Variants in SEMA6A observed in about 807,000 individuals in gnomAD.
SEMA6A encodes semaphorin 6A, also known as semaphorin-6A.
Under a neutral mutation model 96.8 loss-of-function variants are expected in SEMA6A, and 25 were observed. The ratio of observed to expected loss-of-function variants is 0.26; its 90% CI spans 0.19 to 0.36. SEMA6A has a LOEUF of 0.36. Among genes scored for constraint, SEMA6A ranks in the 10% least tolerant of loss-of-function variants. The pLI, the probability that SEMA6A is intolerant of heterozygous loss-of-function variation, is 1.00. For synonymous variants in SEMA6A, 612 were observed against 518.0 expected (o/e 1.18, Z -2.46); for missense variants, 1,363 against 1,323.1 (o/e 1.03, Z -0.47).
At chr5:116,484,290 T>A (rs1228181438) in intron 10 of SEMA6A, among the ~76,000 whole-genome samples, 1 of 152,216 alleles carries the variant, frequency 6.6e-6, no homozygotes, top group Non-Finnish European at 1.5e-5. Flanking sequence ...TAGGGTTTCG[T>A]AGTCTTCCTG....
At position 116,488,205 on chromosome 5, in the gene SEMA6A, A is replaced by G. The variant is rs781062339; in HGVS notation, c.656-9T>C. The stretch of plus-strand genomic sequence containing the variant: ...TTGAACAAAGTATGGTTCTGTAGAC[A>G]AACAGGCACTTTAATTGGGAACATG... On this transcript the variant is annotated splice_polypyrimidine_tract_variant and intron_variant, in intron 8 of 18. Transcript: ENST00000343348. 1.9e-6 allele frequency: 3 copies of G among 1,575,568 alleles called. No homozygotes were observed. Among genetic ancestry groups the G allele is most frequent in the Admixed American group, 3.4e-5 (2 of 58,852 alleles).
Position 116,478,010 on chromosome 5 carries a change from A to G in SEMA6A, c.1568+4T>C, listed in dbSNP as rs1241279975. The G allele has an allele frequency of 1.1e-5, 18 of 1,613,950 alleles. No homozygotes were observed. The highest frequency in any genetic ancestry group is 1.7e-5 in the Admixed American group (1 of 60,014). On this transcript the variant is annotated splice_donor_region_variant and intron_variant, in intron 14 of 18. Coordinates refer to ENST00000343348, the MANE Select transcript of SEMA6A (RefSeq NM_020796.5). ...TCTAATTGTCAATGAGGCAAAATAC[A>G]TACTTTTTACACTTCCCATGTCGTT...
chr5:116,495,979 A>T (rs1046392480), intron 5 of SEMA6A: 1 of 402,388 alleles, frequency 2.5e-6, no homozygotes, highest in African/African-American at 2.1e-5. Flanking sequence ...GTACACTCAG[A>T]AGACAAGACT....
At position 116,475,608 on chromosome 5, in the gene SEMA6A, T is replaced by TAA. The variant is rs1756406097; in HGVS notation, c.1650-7_1650-6dup. On this transcript the variant is annotated splice_region_variant and splice_polypyrimidine_tract_variant and intron_variant, in intron 15 of 18. Transcript: ENST00000343348. ...ATGTCCTGCTCAAAAGTCAGTCTTT[T>TAA]AAAAAAGGAAGGGAAAGAGAGACAG... is the stretch of plus-strand genomic sequence containing the variant. The TAA allele has an allele frequency of 6.3e-7, 1 of 1,593,714 alleles. No homozygotes were observed. The highest frequency in any genetic ancestry group is 2.3e-5 in the East Asian group (1 of 44,272).
chr5:116,528,894 C>G (rs1233182108), intron 1 of SEMA6A, among the ~76,000 whole-genome samples: 1 of 152,200 alleles, frequency 6.6e-6, no homozygotes, highest in Non-Finnish European at 1.5e-5. Flanking sequence ...CCCCTTCCAG[C>G]AGATAATGCC....
intron 1 of SEMA6A, among the ~76,000 whole-genome samples, chr5:116,527,538 G>A (rs1269352738): frequency 1.3e-5 from 2 of 152,190 alleles, no homozygotes; most frequent in Admixed American, 1.3e-4. Flanking sequence ...TATAAGGGAG[G>A]TTGAGGAAGA....
chr5:116,472,621 T>C (rs907836330), intron 17 of SEMA6A: 12 of 412,994 alleles, frequency 2.9e-5, no homozygotes, highest in African/African-American at 2.1e-4. Flanking sequence ...CAAGAACTCA[T>C]TAAATGTATT....
chr5:116,561,711 G>A (rs1047181891), intron 1 of SEMA6A, among the ~76,000 whole-genome samples: 1 of 152,218 alleles, frequency 6.6e-6, no homozygotes, highest in African/African-American at 2.4e-5. Flanking sequence ...TTTTCTAGCA[G>A]CAAAGGCAAT....
intron 18 of SEMA6A, among the ~76,000 whole-genome samples, chr5:116,463,813 G>C (rs1755562452): frequency 6.6e-6 from 1 of 152,186 alleles, no homozygotes; most frequent in Non-Finnish European, 1.5e-5. Context: ...ATAAAATAAA[G>C]TCTGAAGTAG....
chr5:116,484,633 A>AAT (rs1561488530), intron 10 of SEMA6A, among the ~76,000 whole-genome samples: 20 of 151,356 alleles, frequency 1.3e-4, no homozygotes, highest in African/African-American at 4.6e-4. Context: ...AGGAAAAAAA[A>AAT]AATAATAATA....
chr5:116,501,690 C>G (rs1198507784), intron 3 of SEMA6A, among the ~76,000 whole-genome samples: 1 of 152,140 alleles, frequency 6.6e-6, no homozygotes, highest in Non-Finnish European at 1.5e-5. Flanking sequence ...GAGTTCAAGA[C>G]CAGCCTGACC....
chr5:116,448,814 T>A (rs559344602), intron 18 of SEMA6A, among the ~76,000 whole-genome samples: 4 of 151,036 alleles, frequency 2.6e-5, no homozygotes, highest in African/African-American at 9.7e-5. Flanking sequence ...TCCTGAATAT[T>A]TGAATGAAGC....
chr5:116,484,144 C>T (rs574947061), intron 10 of SEMA6A, among the ~76,000 whole-genome samples: 20 of 150,858 alleles, frequency 1.3e-4, no homozygotes, highest in Non-Finnish European at 2.7e-4. Context: ...TATTTGATTT[C>T]GTAACACTCT....
intron 1 of SEMA6A, among the ~76,000 whole-genome samples, chr5:116,559,399 G>T (rs1760726433): frequency 6.6e-6 from 1 of 152,148 alleles, no homozygotes; most frequent in African/African-American, 2.4e-5. Flanking sequence ...ATTGAGAGGG[G>T]CCGTCAGGGT....
Position 116,488,870 on chromosome 5 carries a change from T to G in SEMA6A, c.655+18A>C, listed in dbSNP as rs1400448390. 6.4e-7 allele frequency: 1 copy of G among 1,550,602 alleles called. No homozygotes were observed. Among genetic ancestry groups the G allele is most frequent in the Non-Finnish European group, 8.7e-7 (1 of 1,146,296 alleles). ...TTCCCCTCCCCTCCGACCCTCCTTCTTTTAATTGTTTGTTCACCTTTCAAC... is the reference window on the plus strand; with the variant it reads ...TTCCCCTCCCCTCCGACCCTCCTTCGTTTAATTGTTTGTTCACCTTTCAAC... On this transcript the variant is annotated intron_variant, in intron 8 of 18. Transcript: ENST00000343348.
intron 1 of SEMA6A, among the ~76,000 whole-genome samples, chr5:116,573,927 G>T (rs891236352): frequency 6.7e-6 from 1 of 149,396 alleles, no homozygotes; most frequent in African/African-American, 2.5e-5. Flanking sequence ...GGGCGGCGCC[G>T]GGCGTGTGCG....
At chr5:116,528,778 C>T (rs985890348) in intron 1 of SEMA6A, among the ~76,000 whole-genome samples, 11 of 152,162 alleles carry the variant, frequency 7.2e-5, no homozygotes, top group African/African-American at 2.7e-4. Flanking sequence ...AGGCAGATAG[C>T]CAGTGTATTG....
intron 18 of SEMA6A, among the ~76,000 whole-genome samples, chr5:116,448,439 CA>C (rs1754411890): frequency 2.0e-5 from 3 of 152,150 alleles, no homozygotes; most frequent in Admixed American, 2.0e-4. Context: ...TTTTGGCTTT[CA>C]AAAGTTATCT....
At chr5:116,529,875 G>T (rs1759385587) in intron 1 of SEMA6A, among the ~76,000 whole-genome samples, 1 of 152,014 alleles carries the variant, frequency 6.6e-6, no homozygotes, top group Non-Finnish European at 1.5e-5. Flanking sequence ...AGGTTGGAAG[G>T]TTACCTATTG....
Sources: allele counts gnomAD v4.1 joint callset (sites outside exome capture counted in the v4.1 genomes callset), GRCh38; gene constraint gnomAD v4.1.1; transcripts MANE v1.5; gene names NCBI Gene and HGNC (gene_info 2026-07-23, HGNC 2026-07-21).